CHPF2: variants seen among roughly 807,000 people sequenced by gnomAD.
The protein encoded by CHPF2 is chondroitin polymerizing factor 2.
Under a neutral mutation model 63.0 loss-of-function variants are expected in CHPF2, and 58 were observed. The ratio of observed to expected loss-of-function variants is 0.92; its 90% CI spans 0.75 to 1.15. CHPF2 has a LOEUF of 1.15. Ranked by LOEUF, CHPF2 falls within the 50% of genes most tolerant of loss-of-function variation. CHPF2 has a pLI of 0.00. For missense variants in CHPF2, 1,045 were observed against 1,035.4 expected, an observed-to-expected ratio of 1.01 and a Z score of -0.13; for synonymous variants, 442 against 438.0, an observed-to-expected ratio of 1.01 and a Z score of -0.11.
Position 151,232,719 on chromosome 7 carries a change from C to T in CHPF2, c.-1293C>T, listed in dbSNP as rs1311016360. ...CCGGCCCTGAAACCCGGGCCTCCTC[C>T]CCGAGGGCCTTGGGCGTCCCTCCTG... is the stretch of plus-strand genomic sequence containing the variant. On this transcript the variant is annotated 5_prime_UTR_variant, in exon 1 of 4. Transcript: ENST00000035307. 3 of 1,499,812 alleles carry T rather than the reference C, an allele frequency of 2.0e-6. No homozygotes were observed. Among genetic ancestry groups the T allele is most frequent in the Admixed American group, 2.1e-5 (1 of 47,906 alleles). The allele number at this position is 1,499,812 out of a possible 1,614,324, so 92.9% of individuals were successfully genotyped here.
chr7:151,236,706 T>A (rs1802663140), intron 3 of CHPF2, 116 bp downstream of exon 3: 1 of 997,274 alleles, frequency 1.0e-6, no homozygotes, highest in Non-Finnish European at 1.4e-6. Flanking sequence ...CTAGGCCCTG[T>A]ATAATGGCAG....
At position 151,238,620 on chromosome 7, in the gene CHPF2, TA is replaced by T. The variant is rs761241764; in HGVS notation, c.2259del (p.Gly755AlafsTer54). The T allele has an allele frequency of 3.3e-4, 529 of 1,612,306 alleles. No individual in the cohort carries two copies. Among genetic ancestry groups the T allele is most frequent in the Non-Finnish European group, 4.4e-4 (513 of 1,179,086 alleles). ...TGCCGCCTCAGCAACCTGGAGGGGC[TA>T]GGGGGCCGTGCCCAGCTGGCTATGG... The part of the protein sequence containing the change: ...HRCRLSNLEG[L>X]GGRAQLAMAL... On this transcript the variant is annotated frameshift_variant, in exon 4 of 4. Coordinates refer to ENST00000035307, the MANE Select transcript of CHPF2 (RefSeq NM_019015.3). LOFTEE classifies it high-confidence loss of function.
In CHPF2 at chr7:151,238,733, A is replaced by G; in HGVS notation, c.*52A>G. The G allele has an allele frequency of 6.2e-7, 1 of 1,601,336 alleles. No homozygotes were observed. Among genetic ancestry groups the G allele is most frequent in the Non-Finnish European group, 8.5e-7 (1 of 1,175,380 alleles). ...CCTTTCCTTTGTCTGCCTCAGCCCC[A>G]GGAAGGGCAAGGCAAGATGGTGGAC... On this transcript the variant is annotated 3_prime_UTR_variant, in exon 4 of 4. Coordinates refer to ENST00000035307, the MANE Select transcript of CHPF2 (RefSeq NM_019015.3).
chr7:151,234,401 A>G (rs367754717), intron 1 of CHPF2, 127 bp downstream of exon 1: 34 of 629,690 alleles, frequency 5.4e-5, no homozygotes, highest in African/African-American at 5.1e-4. Flanking sequence ...CTTATTTTCC[A>G]TCATGGTTTC....
rs1338996425 is a variant in CHPF2 at position 151,236,563 on chromosome 7, G to C, written c.984G>C (p.Arg328=). The C allele has an allele frequency of 1.3e-6, 2 of 1,592,288 alleles. No individual in the cohort carries two copies. Among genetic ancestry groups the C allele is most frequent in the African/African-American group, 2.7e-5 (2 of 74,180 alleles). ...GCTTCAGCGCTCTGGAGTTGGAGCGGGCTTACAGTGAAATAGAACAACTGC... is the reference window on the plus strand; with the variant it reads ...GCTTCAGCGCTCTGGAGTTGGAGCGCGCTTACAGTGAAATAGAACAACTGC... ...HKRFSALELE[R]AYSEIEQLQA... The change falls in exon 3 of 4, where the codon CGG becomes CGC. Residue 328 remains arginine, a synonymous_variant. Coordinates refer to ENST00000035307, the MANE Select transcript of CHPF2 (RefSeq NM_019015.3).
In CHPF2 at chr7:151,235,197, G is replaced by T. The variant is rs781132727; in HGVS notation, c.413G>T (p.Arg138Leu). The change falls in exon 2 of 4, where the codon CGG (arginine) becomes CTG (leucine). Residue 138 changes from arginine (R) to leucine (L), a missense_variant. By Grantham distance (102) the Arg-to-Leu change is moderately radical. Coordinates refer to ENST00000035307, the MANE Select transcript of CHPF2 (RefSeq NM_019015.3). ...CGGTTACTCTACTTCACTGGGCAGC[G>T]GGGGGCCCGGGCTCCAGCAGGGATG... ...FPRLLYFTGQ[R>L]GARAPAGMQV... 8.1e-6 allele frequency: 13 copies of T among 1,612,646 alleles called. No homozygotes were observed. The highest frequency in any genetic ancestry group is 2.2e-5 in the South Asian group (2 of 90,994).
rs367935553 is a variant in CHPF2, at chr7:151,237,824, C to T, written c.1462C>T (p.Arg488Ter). The T allele has an allele frequency of 5.6e-6, 9 of 1,612,522 alleles. 1 individual carries two copies. The highest frequency in any genetic ancestry group is 3.3e-5 in the South Asian group (3 of 91,092). The part of the protein sequence containing the change: ...LPMPYVTEAT[R>*]VQLVLPLLVA... ...TATGCCCTATGTCACTGAGGCCACC[C>T]GAGTGCAGCTGGTGCTGCCACTCCT... The change falls in exon 4 of 4, where the codon CGA becomes TGA. Residue 488 changes from arginine to a stop codon, truncating the protein, a stop_gained. Transcript: ENST00000035307. LOFTEE classifies it high-confidence loss of function.
Position 151,233,931 on chromosome 7 carries a change from C to T in CHPF2, c.-81C>T, listed in dbSNP as rs1265927315. 7.1e-7 allele frequency: 1 copy of T among 1,415,430 alleles called. No homozygotes were observed. Among genetic ancestry groups the T allele is most frequent in the Non-Finnish European group, 9.2e-7 (1 of 1,086,336 alleles). The allele number at this position is 1,415,430 out of a possible 1,614,324, so 87.7% of individuals were successfully genotyped here. On this transcript the variant is annotated 5_prime_UTR_variant, in exon 1 of 4. Transcript: ENST00000035307. ...AGGTTCTCTGGTTAAAACTGAAAGC[C>T]TACTACTGGCCTGGTGCCCATCAAT... is the stretch of plus-strand genomic sequence containing the variant.
rs1802501977 is a variant in CHPF2 at position 151,232,625 on chromosome 7, G to T, written c.-1387G>T. On this transcript the variant is annotated 5_prime_UTR_variant, in exon 1 of 4. Coordinates refer to ENST00000035307, the MANE Select transcript of CHPF2 (RefSeq NM_019015.3). ...GCGGGACGCCGCTCTTGGTCCCCAC[G>T]CCTCCGCCCCGCCCCCTCCCGGGAC... is the stretch of plus-strand genomic sequence containing the variant. The T allele has an allele frequency of 1.2e-6, 1 of 810,366 alleles. No individual in the cohort carries two copies. The highest frequency in any genetic ancestry group is 1.9e-5 in the South Asian group (1 of 52,644). 50.2% of individuals were successfully genotyped at this position (810,366 alleles called of 1,614,324 possible).
intron 2 of CHPF2, 148 bp from the exon 3 acceptor site, chr7:151,236,260 G>GTTA: frequency 1.6e-6 from 1 of 608,446 alleles, no homozygotes; most frequent in Non-Finnish European, 2.7e-6. Context: ...AAAGAACTGG[G>GTTA]GTTAAGCGAG....
In CHPF2 at chr7:151,237,480, TG is replaced by T. The variant is rs1160122702; in HGVS notation, c.1121del (p.Gly374AlafsTer80). The T allele has an allele frequency of 6.2e-7, 1 of 1,614,000 alleles. No individual in the cohort carries two copies. The highest frequency in any genetic ancestry group is 8.5e-7 in the Non-Finnish European group (1 of 1,180,014). ...PFTPHSRFEV[L>X]GWDYFTEQHT... ...ACACCACACTCTCGCTTTGAGGTGC[TG>T]GGCTGGGACTACTTCACAGAGCAGC... is the stretch of plus-strand genomic sequence containing the variant. On this transcript the variant is annotated frameshift_variant, in exon 4 of 4. Transcript: ENST00000035307. LOFTEE classifies it high-confidence loss of function.
rs181893449 is a variant in CHPF2 at position 151,234,705 on chromosome 7, G to A, written c.264-343G>A. On this transcript the variant is annotated intron_variant, in intron 1 of 3. Transcript: ENST00000035307. The stretch of plus-strand genomic sequence containing the variant: ...GAGGTTTCTTCATGTTGGTCAGGCT[G>A]GTCTTGAACTCCTGACCTCAGGTGA... Among the ~76,000 whole-genome samples the A allele has an allele frequency of 2.0e-5, 3 of 152,208 alleles. No homozygotes were observed. In the East Asian group the frequency reaches 5.8e-4, roughly 29 times the overall value.
chr7:151,237,806 T>A lies in CHPF2; in HGVS notation c.1444T>A (p.Tyr482Asn). The A allele has an allele frequency of 6.2e-7, 1 of 1,612,668 alleles. No individual in the cohort carries two copies. Among genetic ancestry groups the A allele is most frequent in the East Asian group, 2.2e-5 (1 of 44,876 alleles). ...LSRVEILPMP[Y>N]VTEATRVQLV... ...CCGGGTGGAAATCCTACCTATGCCC[T>A]ATGTCACTGAGGCCACCCGAGTGCA... Residue 482 changes from tyrosine to asparagine, a missense_variant, in exon 4 of 4, where the codon TAT becomes AAT. Coordinates refer to ENST00000035307, the MANE Select transcript of CHPF2 (RefSeq NM_019015.3).
rs1374178922 is a variant in CHPF2, at chr7:151,237,381, T to TC, written c.1021dup (p.Arg341ProfsTer31). 1 of 1,591,518 alleles carries TC rather than the reference T, an allele frequency of 6.3e-7. No individual in the cohort carries two copies. Among genetic ancestry groups the TC allele is most frequent in the Non-Finnish European group, 8.6e-7 (1 of 1,164,348 alleles). ...GCATTCCCTCCAACCCAGGCTCAGA[T>TC]CCGGAACCTGACCGTGCTGACCCCC... On this transcript the variant is annotated frameshift_variant, in exon 4 of 4. Coordinates refer to ENST00000035307, the MANE Select transcript of CHPF2 (RefSeq NM_019015.3). LOFTEE classifies it high-confidence loss of function.
chr7:151,236,506 C>T lies in CHPF2; in HGVS notation c.927C>T (p.Ser309=), dbSNP rs750731817. ...GTGCCTTCGCCGTGCACCCTGTCTC[C>T]GAAGGTACCCTCATGTACCGGCTCC... ...FLSAFAVHPV[S]EGTLMYRLHK... The change falls in exon 3 of 4, where the codon TCC becomes TCT. Residue 309 remains serine (S), a synonymous_variant. Transcript: ENST00000035307. The T allele has an allele frequency of 4.2e-5, 68 of 1,610,956 alleles. No homozygotes were observed. The highest frequency in any genetic ancestry group is 1.1e-4 in the East Asian group (5 of 44,750).
chr7:151,237,249 C>G (rs1802691051), intron 3 of CHPF2, 125 bp from the exon 4 acceptor site: 2 of 662,512 alleles, frequency 3.0e-6, no homozygotes, highest in Non-Finnish European at 5.1e-6. Context: ...TAGCAAGGGA[C>G]CCCTCACTAA....
At position 151,232,941 on chromosome 7, in the gene CHPF2, G is replaced by C; in HGVS notation, c.-1071G>C. 2.2e-6 allele frequency: 3 copies of C among 1,338,596 alleles called. No individual in the cohort carries two copies. In the South Asian group the frequency reaches 5.5e-5, roughly 24 times the overall value. 82.9% of individuals were successfully genotyped at this position (1,338,596 alleles called of 1,614,324 possible). A position where few individuals can be genotyped will look rare whatever the true frequency, so the allele number is the denominator to read the frequency against. ...AGTTTATTTCTGTTTTGAGACGAAC[G>C]GCGAAGACTCGCGTCGGGTCTTCGT... On this transcript the variant is annotated 5_prime_UTR_variant, in exon 1 of 4. Coordinates refer to ENST00000035307, the MANE Select transcript of CHPF2 (RefSeq NM_019015.3).
Position 151,233,007 on chromosome 7 carries a change from C to T in CHPF2, c.-1005C>T. ...GGTCTCTGATCGCCGAGAGGTAGCG[C>T]AGGGGCTGTGGGCCCCCGGCAGGGG... On this transcript the variant is annotated 5_prime_UTR_variant, in exon 1 of 4. Transcript: ENST00000035307. 7.8e-7 allele frequency: 1 copy of T among 1,277,662 alleles called. No individual in the cohort carries two copies. The highest frequency in any genetic ancestry group is 9.9e-7 in the Non-Finnish European group (1 of 1,011,396). The allele number at this position is 1,277,662 out of a possible 1,614,324, so 79.1% of individuals were successfully genotyped here. A position where few individuals can be genotyped will look rare whatever the true frequency, so the allele number is the denominator to read the frequency against.
In CHPF2 at chr7:151,237,958, A is replaced by G; in HGVS notation, c.1596A>G (p.Arg532=). Residue 532 remains arginine, a synonymous_variant, in exon 4 of 4, where the codon CGA becomes CGG. Transcript: ENST00000035307. Reference sequence around the variant, plus strand: ...CCCTGTTGCTGGTCTACGGGCCACGAGAAGGTGGCCGTGGAGCTCCAGACC... The same window carrying G: ...CCCTGTTGCTGGTCTACGGGCCACGGGAAGGTGGCCGTGGAGCTCCAGACC... ...LLTLLLVYGP[R]EGGRGAPDPF... The G allele has an allele frequency of 6.2e-7, 1 of 1,613,164 alleles. No homozygotes were observed. Among genetic ancestry groups the G allele is most frequent in the Non-Finnish European group, 8.5e-7 (1 of 1,180,024 alleles).
Sources: gnomAD v4.1 joint callset for allele counts (sites outside exome capture counted in the v4.1 genomes callset) on GRCh38, gnomAD v4.1.1 for gene constraint, MANE v1.5 for transcripts, NCBI Gene and HGNC (gene_info 2026-07-23, HGNC 2026-07-21) for gene names.